The following UNC5D variants were observed in gnomAD, a reference collection of about 807,000 sequenced individuals.
UNC5D encodes unc-5 netrin receptor D.
A neutral mutation model predicts 105.4 loss-of-function variants in UNC5D; 39 were observed. The ratio of observed to expected loss-of-function variants is 0.37; its 90% CI spans 0.29 to 0.48. UNC5D has a LOEUF of 0.48. UNC5D is among the 20% of genes least tolerant of loss of function. The pLI is 0.98. For missense variants in UNC5D, 991 were observed against 1,202.4 expected, an observed-to-expected ratio of 0.82 and a Z score of 2.60; for synonymous variants, 452 against 450.4, an observed-to-expected ratio of 1.00 and a Z score of -0.04.
intron 9 of UNC5D, among the ~76,000 whole-genome samples, chr8:35,724,843 G>A (rs1409072008): frequency 6.6e-6 from 1 of 152,136 alleles, no homozygotes; most frequent in South Asian, 2.1e-4. Context: ...CCATAAACAG[G>A]AGCAAAGTGG....
chr8:35,271,113 G>A (rs991122856), intron 1 of UNC5D, among the ~76,000 whole-genome samples: 4 of 150,610 alleles, frequency 2.7e-5, no homozygotes, highest in African/African-American at 9.7e-5. Flanking sequence ...AGGAAAATAA[G>A]CATCCTTAAC....
At chr8:35,309,992 G>A (rs1481910632) in intron 1 of UNC5D, among the ~76,000 whole-genome samples, 2 of 152,090 alleles carry the variant, frequency 1.3e-5, no homozygotes, top group African/African-American at 4.8e-5. Flanking sequence ...GTTTTTAAAT[G>A]AAATATTCAT....
chr8:35,474,414 G>A (rs1446678906), intron 1 of UNC5D, among the ~76,000 whole-genome samples: 1 of 152,158 alleles, frequency 6.6e-6, no homozygotes, highest in East Asian at 1.9e-4. Flanking sequence ...ACCCAAAATA[G>A]AGATAGCGAC....
intron 7 of UNC5D, among the ~76,000 whole-genome samples, chr8:35,700,366 T>C (rs1416045076): frequency 6.6e-6 from 1 of 152,146 alleles, no homozygotes; most frequent in Admixed American, 6.5e-5. Flanking sequence ...AAATAAGCAT[T>C]TAAATATGAT....
At chr8:35,704,416 G>T (rs1027545238) in intron 7 of UNC5D, among the ~76,000 whole-genome samples, 53 of 152,260 alleles carry the variant, frequency 3.5e-4, no homozygotes, top group Non-Finnish European at 7.3e-4. Context: ...CGTGGGAAGG[G>T]TGATGGTGCA....
chr8:35,686,784 C>A, intron 7 of UNC5D, 75 bp downstream of exon 7: 3 of 1,480,462 alleles, frequency 2.0e-6, no homozygotes, highest in South Asian at 1.4e-5. Context: ...TAAGCTACAG[C>A]CATTAATGTG....
chr8:35,248,578 A>T (rs1359293846), intron 1 of UNC5D, among the ~76,000 whole-genome samples: 1 of 83,880 alleles, frequency 1.2e-5, no homozygotes, highest in Non-Finnish European at 2.0e-5. Context: ...TATGAAATAG[A>T]TATAATATAT....
chr8:35,286,934 A>G (rs771379170), intron 1 of UNC5D, among the ~76,000 whole-genome samples: 1 of 152,192 alleles, frequency 6.6e-6, no homozygotes, highest in Non-Finnish European at 1.5e-5. Flanking sequence ...CTAATCAGTC[A>G]TGGCTGCAGA....
intron 3 of UNC5D, among the ~76,000 whole-genome samples, chr8:35,591,520 G>T (rs772487215): frequency 5.9e-5 from 9 of 152,006 alleles, no homozygotes; most frequent in Non-Finnish European, 1.0e-4. Flanking sequence ...TTAGCTTAGA[G>T]AACTATTATT....
At chr8:35,419,364 C>T (rs1194325142) in intron 1 of UNC5D, among the ~76,000 whole-genome samples, 1 of 152,186 alleles carries the variant, frequency 6.6e-6, no homozygotes. Flanking sequence ...CTGCACTCAG[C>T]TCGCACTACC....
At chr8:35,487,593 A>ACACACACACCCCCC (rs1415748793) in intron 1 of UNC5D, among the ~76,000 whole-genome samples, 8 of 150,466 alleles carry the variant, frequency 5.3e-5, no homozygotes, top group African/African-American at 2.0e-4. Flanking sequence ...ACACACACAC[A>ACACACACACCCCCC]CCCCACAGAC....
chr8:35,252,114 C>T (rs1158039326), intron 1 of UNC5D, among the ~76,000 whole-genome samples: 5 of 150,978 alleles, frequency 3.3e-5, no homozygotes, highest in East Asian at 2.0e-4. Flanking sequence ...CTCTGCCCCA[C>T]GGGGTTCACG....
intron 4 of UNC5D, among the ~76,000 whole-genome samples, chr8:35,638,050 T>C (rs138637857): frequency 1.3e-5 from 2 of 152,306 alleles, no homozygotes. Flanking sequence ...TGGAATCTTT[T>C]CTTCATACAT....
At chr8:35,318,642 T>C (rs563641898) in intron 1 of UNC5D, among the ~76,000 whole-genome samples, 1 of 152,288 alleles carries the variant, frequency 6.6e-6, no homozygotes, top group South Asian at 2.1e-4. Context: ...AATAATCATG[T>C]CTTTTCTGCT....
At chr8:35,594,211 A>C (rs1452591054) in intron 3 of UNC5D, among the ~76,000 whole-genome samples, 1 of 152,230 alleles carries the variant, frequency 6.6e-6, no homozygotes, top group Non-Finnish European at 1.5e-5. Flanking sequence ...AATATGTAGC[A>C]CTGCTACTAA....
At chr8:35,659,294 CTCTGGA>C (rs954661654) in intron 4 of UNC5D, among the ~76,000 whole-genome samples, 40 of 152,164 alleles carry the variant, frequency 2.6e-4, no homozygotes, top group African/African-American at 8.7e-4. Context: ...CAAGATCCCT[CTCTGGA>C]TTTGTTTAGA....
chr8:35,461,064 T>A (rs1056495870), intron 1 of UNC5D, among the ~76,000 whole-genome samples: 5 of 152,342 alleles, frequency 3.3e-5, no homozygotes, highest in Admixed American at 2.6e-4. Flanking sequence ...CTTGACACTA[T>A]GTTTTGAGTA....
At chr8:35,685,660 A>G (rs1375498201) in intron 6 of UNC5D, among the ~76,000 whole-genome samples, 1 of 152,152 alleles carries the variant, frequency 6.6e-6, no homozygotes, top group Non-Finnish European at 1.5e-5. Flanking sequence ...TTTTACATAC[A>G]TAATGTTGTT....
At chr8:35,740,772 C>T (rs1829718974) in intron 11 of UNC5D, among the ~76,000 whole-genome samples, 1 of 152,154 alleles carries the variant, frequency 6.6e-6, no homozygotes, top group Non-Finnish European at 1.5e-5. Context: ...GTGGTTCCAG[C>T]TCTGCAAAGT....
Sources: allele counts gnomAD v4.1 joint callset (sites outside exome capture counted in the v4.1 genomes callset), GRCh38; gene constraint gnomAD v4.1.1; transcripts MANE v1.5; gene names NCBI Gene and HGNC (gene_info 2026-07-23, HGNC 2026-07-21).